OIT3: variants seen among roughly 807,000 people sequenced by gnomAD.
OIT3 encodes oncoprotein-induced transcript 3 protein.
OIT3 carries 41 observed loss-of-function variants against 52.2 expected under a neutral mutation model. The observed-to-expected ratio is 0.79, with a 90% CI of 0.61 to 1.02. The LOEUF is 1.02. Among genes scored for constraint, OIT3 ranks in the 50% least tolerant of loss-of-function variants. The pLI, the probability that OIT3 is intolerant of heterozygous loss-of-function variation, is 0.00. For missense variants in OIT3, 634 were observed against 715.5 expected, an observed-to-expected ratio of 0.89 and a Z score of 1.30; for synonymous variants, 244 against 276.9, an observed-to-expected ratio of 0.88 and a Z score of 1.18.
chr10:72,906,754 C>G, intron 4 of OIT3, 36 bp downstream of exon 4: 1 of 1,517,536 alleles, frequency 6.6e-7, no homozygotes, highest in Non-Finnish European at 8.8e-7. Context: ...AATCAAGAGC[C>G]CAGAGGAAGC....
chr10:72,930,549 A>G lies in OIT3; in HGVS notation c.1379A>G (p.Asp460Gly). Residue 460 changes from aspartate to glycine, a missense_variant, in exon 8 of 9, where the codon GAT becomes GGT. Coordinates refer to ENST00000334011, the MANE Select transcript of OIT3 (RefSeq NM_152635.3). ...YYLIRDGCVS[D>G]DSVKQYTSRD... ...TGCCCTACTTTCAGCTGTGTTTCAG[A>G]TGACTCGGTAAAGCAGTACACATCC... The G allele has an allele frequency of 6.2e-7, 1 of 1,611,564 alleles. No individual in the cohort carries two copies. Among genetic ancestry groups the G allele is most frequent in the Non-Finnish European group, 8.5e-7 (1 of 1,177,832 alleles).
In OIT3 at chr10:72,913,404, G is replaced by C. The variant is rs1207031299; in HGVS notation, c.887G>C (p.Gly296Ala). 1.9e-6 allele frequency: 3 copies of C among 1,613,686 alleles called. No homozygotes were observed. The African/African-American group carries it at 4.0e-5, about 22-fold the overall frequency. The change falls in exon 6 of 9, where the codon GGA becomes GCA. Residue 296 changes from glycine to alanine, a missense_variant. Transcript: ENST00000334011. ...ELFLTNTSCRGVSNGTHVNIL... is the reference protein window; with the variant it reads ...ELFLTNTSCRAVSNGTHVNIL... ...TTCCTGACCAACACCTCCTGCCGAG[G>C]AGTGTCCAACGGCACCCATGTCAAC...
chr10:72,932,120 A>G (rs1846221651), intron 8 of OIT3, among the ~76,000 whole-genome samples: 1 of 152,196 alleles, frequency 6.6e-6, no homozygotes, highest in Admixed American at 6.5e-5. Context: ...TTAATCACTC[A>G]TGTGACTTAA....
intron 3 of OIT3, among the ~76,000 whole-genome samples, chr10:72,903,278 T>C (rs897928409): frequency 2.0e-5 from 3 of 151,994 alleles, no homozygotes; most frequent in Admixed American, 1.3e-4. Flanking sequence ...CAGGCTGGAG[T>C]GCAATGGCAC....
chr10:72,917,775 G>C, intron 6 of OIT3: 1 of 1,426,044 alleles, frequency 7.0e-7, no homozygotes, highest in Non-Finnish European at 9.8e-7. Context: ...TTGCATTTTT[G>C]CTTTAATGTC....
chr10:72,898,799 C>T lies in OIT3; in HGVS notation c.197C>T (p.Ala66Val), dbSNP rs141122150. 84 of 1,614,012 alleles carry T rather than the reference C, an allele frequency of 5.2e-5. No individual in the cohort carries two copies. The highest frequency in any genetic ancestry group is 1.3e-4 in the East Asian group (6 of 44,894). ...GAGTGGTACCACTTCACGGGCATGGCGGGAGATGCCATGCCTACCTTCTGC... is the reference window on the plus strand; with the variant it reads ...GAGTGGTACCACTTCACGGGCATGGTGGGAGATGCCATGCCTACCTTCTGC... ...NGEWYHFTGM[A>V]GDAMPTFCIP... The change falls in exon 2 of 9, where the codon GCG becomes GTG. Residue 66 changes from alanine (A) to valine (V), a missense_variant. By Grantham distance (64) the Ala-to-Val change is moderately conservative. Coordinates refer to ENST00000334011, the MANE Select transcript of OIT3 (RefSeq NM_152635.3).
intron 5 of OIT3, among the ~76,000 whole-genome samples, chr10:72,912,197 C>A (rs931560139): frequency 6.6e-6 from 1 of 151,374 alleles, no homozygotes; most frequent in African/African-American, 2.4e-5. Context: ...GGAACATATT[C>A]TTCTCCCTAC....
At chr10:72,907,324 G>C (rs533769193) in intron 4 of OIT3, among the ~76,000 whole-genome samples, 11 of 152,062 alleles carry the variant, frequency 7.2e-5, no homozygotes, top group Non-Finnish European at 1.3e-4. Context: ...ATGTGCCCAC[G>C]AATCACTTAG....
intron 3 of OIT3, among the ~76,000 whole-genome samples, chr10:72,905,890 C>T (rs1207336765): frequency 6.6e-6 from 1 of 152,172 alleles, no homozygotes; most frequent in Non-Finnish European, 1.5e-5. Flanking sequence ...CTCCTGTCAT[C>T]GCATGGGTGT....
chr10:72,932,565 C>CTCTT lies in OIT3; in HGVS notation c.*43_*46dup, dbSNP rs755736090. 9.2e-6 allele frequency: 14 copies of CTCTT among 1,517,952 alleles called. No individual in the cohort carries two copies. The South Asian group carries it at 1.3e-4, about 14-fold the overall frequency. The allele number at this position is 1,517,952 out of a possible 1,614,324, so 94.0% of individuals were successfully genotyped here. A position where few individuals can be genotyped will look rare whatever the true frequency, so the allele number is the denominator to read the frequency against. On this transcript the variant is annotated 3_prime_UTR_variant, in exon 9 of 9. Coordinates refer to ENST00000334011, the MANE Select transcript of OIT3 (RefSeq NM_152635.3). ...CGAGTCCCTGCATTGGACGGCTCTGCTCTTTGGAGCTTCTCCCCCCACCGC... is the reference window on the plus strand; with the variant it reads ...CGAGTCCCTGCATTGGACGGCTCTGCTCTTTCTTTGGAGCTTCTCCCCCCACCGC...
chr10:72,932,344 A>G lies in OIT3; in HGVS notation c.1468-10A>G. The G allele has an allele frequency of 1.2e-6, 2 of 1,613,864 alleles. No individual in the cohort carries two copies. Among genetic ancestry groups the G allele is most frequent in the Non-Finnish European group, 8.5e-7 (1 of 1,179,712 alleles). ...ATTGTTTTTATTAACAGTCGTGATCATCTCTTCAGGAAGTGTTTCTGCACT... is the reference window on the plus strand; with the variant it reads ...ATTGTTTTTATTAACAGTCGTGATCGTCTCTTCAGGAAGTGTTTCTGCACT... On this transcript the variant is annotated splice_polypyrimidine_tract_variant and intron_variant, in intron 8 of 8. Coordinates refer to ENST00000334011, the MANE Select transcript of OIT3 (RefSeq NM_152635.3).
chr10:72,897,715 C>T (rs80151755), intron 1 of OIT3, among the ~76,000 whole-genome samples: 6,368 of 152,104 alleles, frequency 0.042, 447 homozygotes, highest in African/African-American at 0.14. Flanking sequence ...TTGAAAATTT[C>T]CAAGGATTGG....
chr10:72,930,472 G>T, intron 7 of OIT3, 66 bp from the exon 8 acceptor site: 1 of 1,211,636 alleles, frequency 8.3e-7, no homozygotes, highest in Non-Finnish European at 1.2e-6. Flanking sequence ...CAAAATGTTG[G>T]GTTAGATTGT....
At chr10:72,931,883 C>A (rs1846219506) in intron 8 of OIT3, among the ~76,000 whole-genome samples, 2 of 152,192 alleles carry the variant, frequency 1.3e-5, no homozygotes, top group Admixed American at 1.3e-4. Flanking sequence ...CAACTGCTAA[C>A]AATGATGGCT....
In OIT3 at chr10:72,911,788, T is replaced by C. The variant is rs144356620; in HGVS notation, c.739T>C (p.Cys247Arg). ...CCTTGGATCTGAGAAAGGCTACCAG[T>C]GTGAATGTCCCCGGGGCCTGGTGCT... is the stretch of plus-strand genomic sequence containing the variant. ...SCLGSEKGYQCECPRGLVLSE... is the reference protein window; with the variant it reads ...SCLGSEKGYQRECPRGLVLSE... The change falls in exon 5 of 9, where the codon TGT (cysteine) becomes CGT (arginine). Residue 247 changes from cysteine (C) to arginine (R), a missense_variant. Transcript: ENST00000334011. The C allele has an allele frequency of 1.5e-4, 246 of 1,613,620 alleles. No individual in the cohort carries two copies. Among genetic ancestry groups the C allele is most frequent in the Non-Finnish European group, 2.0e-4 (232 of 1,179,788 alleles).
intron 6 of OIT3, among the ~76,000 whole-genome samples, chr10:72,916,319 C>T (rs191663305): frequency 6.6e-6 from 1 of 152,096 alleles, no homozygotes; most frequent in Non-Finnish European, 1.5e-5. Context: ...CTTCTCTCCC[C>T]CCTCCTACCT....
chr10:72,906,282 A>G (rs1845978037), intron 3 of OIT3, among the ~76,000 whole-genome samples: 1 of 152,256 alleles, frequency 6.6e-6, no homozygotes, highest in South Asian at 2.1e-4. Context: ...CTCATTAAAG[A>G]AAGTGAAATT....
intron 3 of OIT3, among the ~76,000 whole-genome samples, chr10:72,905,803 G>T (rs1845974334): frequency 6.6e-6 from 1 of 152,164 alleles, no homozygotes; most frequent in Non-Finnish European, 1.5e-5. Context: ...TCATTGAGGG[G>T]ATACATCTTC....
chr10:72,908,952 T>C (rs1293445735), intron 4 of OIT3, among the ~76,000 whole-genome samples: 2 of 151,628 alleles, frequency 1.3e-5, no homozygotes, highest in East Asian at 3.9e-4. Context: ...TTTTTTTTTT[T>C]AGATTCAGGG....
Sources: allele counts gnomAD v4.1 joint callset (sites outside exome capture counted in the v4.1 genomes callset), GRCh38; gene constraint gnomAD v4.1.1; transcripts MANE v1.5; gene names NCBI Gene and HGNC (gene_info 2026-07-23, HGNC 2026-07-21).